Variants in ASTN2 observed in about 807,000 individuals in gnomAD.
ASTN2 encodes the protein astrotactin-2.
A neutral mutation model predicts 139.8 loss-of-function variants in ASTN2; 54 were observed. The observed-to-expected ratio is 0.39, with a 90% CI of 0.31 to 0.48. ASTN2 has a LOEUF of 0.48. Among genes scored for constraint, ASTN2 ranks in the 20% least tolerant of loss-of-function variants. The pLI is 0.95. For missense variants in ASTN2, 1,565 were observed against 1,725.1 expected, an observed-to-expected ratio of 0.91 and a Z score of 1.64; for synonymous variants, 756 against 719.5, an observed-to-expected ratio of 1.05 and a Z score of -0.81.
chr9:116,841,206 C>A (rs992785980), intron 11 of ASTN2, among the ~76,000 whole-genome samples: 1 of 152,244 alleles, frequency 6.6e-6, no homozygotes, highest in African/African-American at 2.4e-5. Context: ...GAATCCCAGT[C>A]TCCACCAAGA....
At chr9:117,325,160 C>G (rs988594062) in intron 1 of ASTN2, among the ~76,000 whole-genome samples, 32 of 152,180 alleles carry the variant, frequency 2.1e-4, no homozygotes, top group Non-Finnish European at 1.5e-4. Flanking sequence ...CCATCTGAAG[C>G]ATAGACTTTT....
rs548450282 is a variant in ASTN2 at position 117,236,972 on chromosome 9, T to C, written c.631-22230A>G. On this transcript the variant is annotated intron_variant, in intron 2 of 22. Coordinates refer to ENST00000313400, the MANE Select transcript of ASTN2 (RefSeq NM_001365068.1). Reference sequence around the variant, plus strand: ...GGGATAGTTGTTATTTTGTGTTGTGTACCTGACATTAGTCCAGGTCCAATT... The same window carrying C: ...GGGATAGTTGTTATTTTGTGTTGTGCACCTGACATTAGTCCAGGTCCAATT... 2.0e-5 allele frequency among the ~76,000 whole-genome samples: 3 copies of C among 152,346 alleles called. No homozygotes were observed. The East Asian group carries it at 5.8e-4, about 29-fold the overall frequency.
At chr9:117,112,851 A>G (rs1476344819) in intron 4 of ASTN2, among the ~76,000 whole-genome samples, 1 of 152,202 alleles carries the variant, frequency 6.6e-6, no homozygotes, top group African/African-American at 2.4e-5. Flanking sequence ...TAACTGTAAT[A>G]CATATAATAC....
chr9:117,237,080 G>T (rs1833067369), intron 2 of ASTN2, among the ~76,000 whole-genome samples: 1 of 152,116 alleles, frequency 6.6e-6, no homozygotes, highest in Admixed American at 6.5e-5. Context: ...TTTTCTATCT[G>T]CCAGCCCCTG....
intron 1 of ASTN2, among the ~76,000 whole-genome samples, chr9:117,368,527 TTCTTAA>T (rs1829906648): frequency 6.6e-6 from 1 of 152,192 alleles, no homozygotes; most frequent in African/African-American, 2.4e-5. Flanking sequence ...TCCATCTCCC[TTCTTAA>T]TTTTTGCAAT....
intron 2 of ASTN2, among the ~76,000 whole-genome samples, chr9:117,251,397 A>G (rs1194542838): frequency 6.6e-6 from 1 of 152,026 alleles, no homozygotes; most frequent in African/African-American, 2.4e-5. Context: ...TACTTATTAT[A>G]AATATGGTAA....
chr9:116,538,238 AAAAG>A (rs1162617704), intron 19 of ASTN2, among the ~76,000 whole-genome samples: 1 of 151,334 alleles, frequency 6.6e-6, no homozygotes, highest in East Asian at 1.9e-4. Context: ...GAGAGGGAGA[AAAAG>A]AAAGAATGAA....
At position 117,294,603 on chromosome 9, in the gene ASTN2, C is replaced by T. The variant is rs540255173; in HGVS notation, c.443-3090G>A. On this transcript the variant is annotated intron_variant, in intron 1 of 22. Transcript: ENST00000313400. The stretch of plus-strand genomic sequence containing the variant: ...CGGAGTTAAATGAGACATAGCCTTG[C>T]CTTCAGGGAGCTCATAATCATTTAG... Among the ~76,000 whole-genome samples, 3 of 152,324 alleles carry T rather than the reference C, an allele frequency of 2.0e-5. No homozygotes were observed. The East Asian group carries it at 5.8e-4, about 29-fold the overall frequency.
At chr9:117,077,709 C>G (rs980287613) in intron 5 of ASTN2, among the ~76,000 whole-genome samples, 4 of 152,160 alleles carry the variant, frequency 2.6e-5, no homozygotes, top group African/African-American at 9.7e-5. Context: ...GATAGTGCCA[C>G]TGCACTCCAG....
intron 1 of ASTN2, among the ~76,000 whole-genome samples, chr9:117,384,917 A>G (rs910809794): frequency 3.3e-5 from 5 of 152,146 alleles, no homozygotes; most frequent in African/African-American, 9.7e-5. Flanking sequence ...GGATAAATGG[A>G]TAAAAGGGAG....
intron 11 of ASTN2, among the ~76,000 whole-genome samples, chr9:116,832,338 TC>T (rs1333833524): frequency 6.6e-6 from 1 of 152,102 alleles, no homozygotes; most frequent in Non-Finnish European, 1.5e-5. Context: ...AATGCCTTCT[TC>T]CTTTTTTGAT....
intron 1 of ASTN2, among the ~76,000 whole-genome samples, chr9:117,313,430 G>T (rs1828038842): frequency 6.6e-6 from 1 of 152,192 alleles, no homozygotes; most frequent in South Asian, 2.1e-4. Flanking sequence ...ACTCAAGGCA[G>T]CCTGAGAAGT....
chr9:117,372,813 A>G (rs1830022895), intron 1 of ASTN2, among the ~76,000 whole-genome samples: 1 of 152,150 alleles, frequency 6.6e-6, no homozygotes, highest in South Asian at 2.1e-4. Context: ...TGTTGGCTGC[A>G]GGGAGGAATC....
At chr9:116,977,042 A>T (rs1217437592) in intron 7 of ASTN2, among the ~76,000 whole-genome samples, 7 of 152,170 alleles carry the variant, frequency 4.6e-5, no homozygotes, top group African/African-American at 1.7e-4. Flanking sequence ...ACAGAGGTCA[A>T]AGTTGCAACC....
At chr9:116,882,438 C>T (rs1474180743) in intron 10 of ASTN2, among the ~76,000 whole-genome samples, 3 of 151,860 alleles carry the variant, frequency 2.0e-5, no homozygotes, top group Non-Finnish European at 4.4e-5. Context: ...TCAGTGATGA[C>T]ACTGAGAAAG....
chr9:116,680,858 T>C (rs575908406), intron 16 of ASTN2, among the ~76,000 whole-genome samples: 4 of 145,990 alleles, frequency 2.7e-5, no homozygotes, highest in African/African-American at 9.7e-5. Context: ...AAATTAGGTA[T>C]TGATGGGACG....
intron 15 of ASTN2, among the ~76,000 whole-genome samples, chr9:116,726,899 C>T (rs533750305): frequency 6.6e-6 from 1 of 152,292 alleles, no homozygotes; most frequent in Non-Finnish European, 1.5e-5. Context: ...AAGCTCATCT[C>T]TAATGAGCCA....
At chr9:116,696,733 G>A (rs1860873561) in intron 16 of ASTN2, among the ~76,000 whole-genome samples, 1 of 152,004 alleles carries the variant, frequency 6.6e-6, no homozygotes, top group African/African-American at 2.4e-5. Context: ...TGAAGAGCAG[G>A]ATCTGTATCC....
intron 19 of ASTN2, among the ~76,000 whole-genome samples, chr9:116,576,208 C>A: frequency 6.6e-6 from 1 of 152,144 alleles, no homozygotes; most frequent in Non-Finnish European, 1.5e-5. Flanking sequence ...GAGGACTGAT[C>A]AGTCCCCTAA....
Sources: gnomAD v4.1 joint callset for allele counts (sites outside exome capture counted in the v4.1 genomes callset) on GRCh38, gnomAD v4.1.1 for gene constraint, MANE v1.5 for transcripts, NCBI Gene and HGNC (gene_info 2026-07-23, HGNC 2026-07-21) for gene names.